DPP10: variants seen among roughly 807,000 people sequenced by gnomAD.
The protein encoded by DPP10 is dipeptidyl peptidase like 10.
DPP10 carries 33 observed loss-of-function variants against 120.9 expected under a neutral mutation model. The ratio of observed to expected loss-of-function variants is 0.27; its 90% CI spans 0.21 to 0.37. The LOEUF (loss-of-function observed/expected upper bound fraction) is 0.37, where lower values mean the gene tolerates loss of function less well. Ranked by LOEUF, DPP10 falls within the 10% of genes least tolerant of loss-of-function variation. The pLI, the probability that DPP10 is intolerant of heterozygous loss-of-function variation, is 1.00. For missense variants in DPP10, 816 were observed against 942.8 expected, an observed-to-expected ratio of 0.87 and a Z score of 1.76; for synonymous variants, 337 against 326.1, an observed-to-expected ratio of 1.03 and a Z score of -0.36.
intron 1 of DPP10, among the ~76,000 whole-genome samples, chr2:114,856,163 T>A (rs1176493225): frequency 6.6e-6 from 1 of 152,184 alleles, no homozygotes; most frequent in Non-Finnish European, 1.5e-5. Context: ...GGATTTGACT[T>A]TTTTGGTTAT....
chr2:114,706,165 T>C (rs1236185423), intron 1 of DPP10, among the ~76,000 whole-genome samples: 1 of 152,224 alleles, frequency 6.6e-6, no homozygotes, highest in South Asian at 2.1e-4. Context: ...TATCTTTTGA[T>C]TCCAAAGTTC....
chr2:115,015,674 C>A (rs899385338), intron 1 of DPP10, among the ~76,000 whole-genome samples: 2 of 152,090 alleles, frequency 1.3e-5, no homozygotes, highest in Admixed American at 6.6e-5. Flanking sequence ...AATCAACATG[C>A]AAAATTCACA....
At chr2:115,711,446 T>C (rs1368221248) in intron 7 of DPP10, among the ~76,000 whole-genome samples, 1 of 152,176 alleles carries the variant, frequency 6.6e-6, no homozygotes, top group Admixed American at 6.6e-5. Flanking sequence ...TGGATTCTTG[T>C]ACATCATAAA....
chr2:114,711,682 G>A (rs373274198), intron 1 of DPP10, among the ~76,000 whole-genome samples: 35 of 152,016 alleles, frequency 2.3e-4, no homozygotes, highest in African/African-American at 8.2e-4. Context: ...GACTGTCCAC[G>A]TTTTAATTAT....
intron 5 of DPP10, among the ~76,000 whole-genome samples, chr2:115,662,161 T>C (rs2089039452): frequency 6.6e-6 from 1 of 152,226 alleles, no homozygotes; most frequent in Admixed American, 6.5e-5. Context: ...CTTAATGACC[T>C]TCAGGTTTAT....
intron 1 of DPP10, among the ~76,000 whole-genome samples, chr2:114,975,474 A>G (rs1480854118): frequency 6.6e-6 from 1 of 152,216 alleles, no homozygotes; most frequent in Non-Finnish European, 1.5e-5. Context: ...GAAAAATTTG[A>G]ACTTCAACTA....
chr2:115,487,049 T>G (rs4383330), intron 3 of DPP10, among the ~76,000 whole-genome samples: 83,605 of 151,954 alleles, frequency 0.55, 24,490 homozygotes, highest in Non-Finnish European at 0.67. Flanking sequence ...TAACTTTATC[T>G]TATTTACCAG....
At chr2:115,488,771 C>A (rs1372772553) in intron 3 of DPP10, among the ~76,000 whole-genome samples, 3 of 129,862 alleles carry the variant, frequency 2.3e-5, no homozygotes, top group African/African-American at 8.8e-5. Flanking sequence ...GGGAGATATA[C>A]CTAATGCTAG....
intron 1 of DPP10, among the ~76,000 whole-genome samples, chr2:114,571,434 G>A (rs1689637010): frequency 6.6e-6 from 1 of 152,140 alleles, no homozygotes; most frequent in African/African-American, 2.4e-5. Context: ...TGGACAGCCT[G>A]TGGAACCGTG....
intron 1 of DPP10, among the ~76,000 whole-genome samples, chr2:114,999,966 T>C (rs1701333961): frequency 6.6e-6 from 1 of 152,182 alleles, no homozygotes; most frequent in South Asian, 2.1e-4. Context: ...GGAAATGCTA[T>C]GTACACATGC....
At chr2:114,599,251 A>G (rs1336734980) in intron 1 of DPP10, among the ~76,000 whole-genome samples, 1 of 151,934 alleles carries the variant, frequency 6.6e-6, no homozygotes, top group African/African-American at 2.4e-5. Context: ...AAAAATATGC[A>G]TGCAATGAAA....
chr2:114,596,254 A>G lies in DPP10; in HGVS notation c.60+153416A>G, dbSNP rs1478893879. Among the ~76,000 whole-genome samples the G allele has an allele frequency of 3.9e-5, 6 of 151,964 alleles. No homozygotes were observed. In the East Asian group the frequency reaches 1.2e-3, roughly 29 times the overall value. Reference sequence around the variant, plus strand: ...ATTTACATGAATTATTTATTTTTATATGTATTACATATTTGTCTCTCCTCC... The same window carrying G: ...ATTTACATGAATTATTTATTTTTATGTGTATTACATATTTGTCTCTCCTCC... On this transcript the variant is annotated intron_variant, in intron 1 of 25. Transcript: ENST00000410059.
chr2:114,519,353 G>A (rs374226330), intron 1 of DPP10, among the ~76,000 whole-genome samples: 5 of 152,292 alleles, frequency 3.3e-5, no homozygotes, highest in African/African-American at 1.2e-4. Flanking sequence ...CACTTTACTA[G>A]CTTTTATTTA....
At chr2:115,110,483 A>G (rs962324079) in intron 1 of DPP10, among the ~76,000 whole-genome samples, 6 of 152,216 alleles carry the variant, frequency 3.9e-5, no homozygotes, top group African/African-American at 1.4e-4. Flanking sequence ...TTTGAGAAGT[A>G]TGGACATTAT....
chr2:114,759,026 T>A (rs1680045910), intron 1 of DPP10, among the ~76,000 whole-genome samples: 1 of 152,354 alleles, frequency 6.6e-6, no homozygotes, highest in African/African-American at 2.4e-5. Flanking sequence ...AATGGATTAA[T>A]GCATTTTCAA....
At chr2:114,754,914 G>A (rs956324260) in intron 1 of DPP10, among the ~76,000 whole-genome samples, 3 of 152,068 alleles carry the variant, frequency 2.0e-5, no homozygotes, top group African/African-American at 7.2e-5. Flanking sequence ...TAAATAAATG[G>A]CCTGGCAAAC....
intron 1 of DPP10, among the ~76,000 whole-genome samples, chr2:115,211,312 C>T (rs1326938449): frequency 6.7e-6 from 1 of 150,210 alleles, no homozygotes; most frequent in African/African-American, 2.4e-5. Context: ...CATAGGAAAT[C>T]ATATGGCCTA....
At chr2:115,203,545 C>T (rs1170242293) in intron 1 of DPP10, among the ~76,000 whole-genome samples, 1 of 152,046 alleles carries the variant, frequency 6.6e-6, no homozygotes, top group Non-Finnish European at 1.5e-5. Context: ...GGGTGATATG[C>T]TCCCAAACTA....
At chr2:115,002,604 C>A (rs1321427686) in intron 1 of DPP10, among the ~76,000 whole-genome samples, 1 of 152,020 alleles carries the variant, frequency 6.6e-6, no homozygotes, top group Admixed American at 6.6e-5. Context: ...AAAATATTTA[C>A]AAACTATGCA....
Sources: gnomAD v4.1 joint callset for allele counts (sites outside exome capture counted in the v4.1 genomes callset) on GRCh38, gnomAD v4.1.1 for gene constraint, MANE v1.5 for transcripts, NCBI Gene and HGNC (gene_info 2026-07-23, HGNC 2026-07-21) for gene names.